Variants in SLC25A30 observed in about 807,000 individuals in gnomAD.
SLC25A30 encodes the protein kidney mitochondrial carrier protein 1.
Under a neutral mutation model 42.7 loss-of-function variants are expected in SLC25A30, and 29 were observed. That is an observed-to-expected ratio of 0.68 (90% CI 0.51 to 0.93). The LOEUF (loss-of-function observed/expected upper bound fraction) is 0.93, where lower values mean the gene tolerates loss of function less well. Ranked by LOEUF, SLC25A30 falls within the 40% of genes least tolerant of loss-of-function variation. The pLI is 0.00. For synonymous variants in SLC25A30, 124 were observed against 131.0 expected (o/e 0.95, Z 0.37); for missense variants, 300 against 359.7 (o/e 0.83, Z 1.34).
chr13:45,411,306 C>T, intron 2 of SLC25A30, 56 bp downstream of exon 2: 1 of 1,236,510 alleles, frequency 8.1e-7, no homozygotes, highest in Non-Finnish European at 1.2e-6. Context: ...ACTACATTCA[C>T]ATCAAACACC....
chr13:45,425,546 A>AAATATG, the SLC25A30 span, among the ~76,000 whole-genome samples: 1 of 80,186 alleles, frequency 1.2e-5, no homozygotes, highest in African/African-American at 6.5e-5. Flanking sequence ...AAGTATATAT[A>AAATATG]TATAAGTATA....
upstream of SLC25A30, among the ~76,000 whole-genome samples, chr13:45,421,724 ATGTAAGTGC>A (rs1356571793): frequency 6.6e-6 from 1 of 152,218 alleles, no homozygotes; most frequent in Non-Finnish European, 1.5e-5. Flanking sequence ...ACTTTGTAAA[ATGTAAGTGC>A]TGTAGAAATA....
At chr13:45,396,282 G>A (rs1881311343) in intron 9 of SLC25A30, 1 of 1,320,760 alleles carries the variant, frequency 7.6e-7, no homozygotes, top group East Asian at 3.0e-5. Context: ...AGCTTTTGTG[G>A]CTTTGCTGTG....
At chr13:45,423,751 T>C in the SLC25A30 span, among the ~76,000 whole-genome samples, 1 of 13,280 alleles carries the variant, frequency 7.5e-5, no homozygotes, top group Non-Finnish European at 1.3e-4. Context: ...AATATATAAA[T>C]ATATATAAAT....
intron 3 of SLC25A30, among the ~76,000 whole-genome samples, chr13:45,407,663 GATGTCCTGTGT>G (rs1268939165): frequency 6.6e-6 from 1 of 152,158 alleles, no homozygotes; most frequent in Non-Finnish European, 1.5e-5. Context: ...TCTCCATTTA[GATGTCCTGTGT>G]ATACCTTCAG....
chr13:45,394,300 T>A lies in SLC25A30; in HGVS notation c.*1674A>T, dbSNP rs1313533164. 1.1e-6 allele frequency: 1 copy of A among 949,066 alleles called. No homozygotes were observed. Among genetic ancestry groups the A allele is most frequent in the African/African-American group, 1.8e-5 (1 of 54,500 alleles). The allele number at this position is 949,066 out of a possible 1,614,324, so 58.8% of individuals were successfully genotyped here. ...CTCTTTTTGATGACTTTGTCTTAGC[T>A]CTCACTTTTGGAAATAATATTCAAA... On this transcript the variant is annotated 3_prime_UTR_variant, in exon 10 of 10. Transcript: ENST00000519676.
upstream of SLC25A30, among the ~76,000 whole-genome samples, chr13:45,423,302 A>G (rs1187788195): frequency 6.6e-6 from 1 of 151,692 alleles, no homozygotes; most frequent in East Asian, 1.9e-4. Flanking sequence ...TCCACTAGAC[A>G]CAATAGTAAG....
chr13:45,425,597 C>CATATATATAT, the SLC25A30 span, among the ~76,000 whole-genome samples: 8 of 38,138 alleles, frequency 2.1e-4, 1 homozygote, highest in African/African-American at 7.0e-4. Context: ...TATATATATA[C>CATATATATAT]ATATATATAT....
At chr13:45,406,546 T>A (rs888231025) in intron 3 of SLC25A30, among the ~76,000 whole-genome samples, 4 of 152,146 alleles carry the variant, frequency 2.6e-5, no homozygotes, top group Non-Finnish European at 5.9e-5. Context: ...CTCCATCCGA[T>A]ATGCCTGTCC....
At chr13:45,397,873 T>TA (rs1395709796) in intron 8 of SLC25A30, 2 of 985,402 alleles carry the variant, frequency 2.0e-6, no homozygotes. Flanking sequence ...ACAAAGGAGA[T>TA]AAACACTGTT....
At chr13:45,428,690 T>G in the SLC25A30 span, among the ~76,000 whole-genome samples, 23 of 151,166 alleles carry the variant, frequency 1.5e-4, no homozygotes, top group African/African-American at 5.4e-4. Flanking sequence ...GCCTGACTAA[T>G]GTTTGTATTT....
upstream of SLC25A30, chr13:45,418,802 C>G (rs1883760025): frequency 6.6e-6 from 1 of 151,884 alleles, no homozygotes; most frequent in Non-Finnish European, 1.5e-5. Context: ...ATTAGCCGGG[C>G]ATAGCGGCGG....
At chr13:45,425,003 AAT>A in the SLC25A30 span, among the ~76,000 whole-genome samples, 4 of 14,850 alleles carry the variant, frequency 2.7e-4, no homozygotes, top group South Asian at 1.5e-3. Flanking sequence ...TAAATATATA[AAT>A]ATATATAAAT....
At chr13:45,396,198 G>A in intron 9 of SLC25A30, 183 bp from the exon 10 acceptor site, 2 of 1,461,060 alleles carry the variant, frequency 1.4e-6, no homozygotes, top group African/African-American at 1.4e-5. Context: ...GGTCAGCTTG[G>A]AGCAGAAAGA....
At position 45,394,406 on chromosome 13, in the gene SLC25A30, CCTT is replaced by C. The variant is rs1341008057; in HGVS notation, c.*1565_*1567del. ...CTCATCCTCCAAAAAAACCTGCAGT[CCTT>C]CTATTCAGTCTCAACAAAGAGACTG... On this transcript the variant is annotated 3_prime_UTR_variant, in exon 10 of 10. Coordinates refer to ENST00000519676, the MANE Select transcript of SLC25A30 (RefSeq NM_001010875.4). 5 of 985,280 alleles carry C rather than the reference CCTT, an allele frequency of 5.1e-6. No individual in the cohort carries two copies. Among genetic ancestry groups the C allele is most frequent in the African/African-American group, 1.7e-5 (1 of 57,194 alleles). The allele number at this position is 985,280 out of a possible 1,614,324, so 61.0% of individuals were successfully genotyped here. A position where few individuals can be genotyped will look rare whatever the true frequency, so the allele number is the denominator to read the frequency against.
At chr13:45,406,008 C>T (rs1725428712) in intron 3 of SLC25A30, 31 bp from the exon 4 acceptor site, 1 of 1,606,628 alleles carries the variant, frequency 6.2e-7, no homozygotes, top group Non-Finnish European at 8.5e-7. Context: ...GGGACAAAAG[C>T]AATCTAAAAA....
chr13:45,393,754 T>G lies in SLC25A30; in HGVS notation c.*2220A>C. 1 of 985,414 alleles carries G rather than the reference T, an allele frequency of 1.0e-6. No homozygotes were observed. Among genetic ancestry groups the G allele is most frequent in the South Asian group, 4.7e-5 (1 of 21,284 alleles). The allele number at this position is 985,414 out of a possible 1,614,324, so 61.0% of individuals were successfully genotyped here. On this transcript the variant is annotated 3_prime_UTR_variant, in exon 10 of 10. Transcript: ENST00000519676. ...ACAGAAAAAGCAGGTTAAGATCCTGTTCAATAAGGCACTTAATAAGTCTAC... is the reference window on the plus strand; with the variant it reads ...ACAGAAAAAGCAGGTTAAGATCCTGGTCAATAAGGCACTTAATAAGTCTAC...
the SLC25A30 span, among the ~76,000 whole-genome samples, chr13:45,424,618 AATATATAT>A: frequency 1.5e-5 from 1 of 66,792 alleles, no homozygotes; most frequent in Admixed American, 2.5e-4. Flanking sequence ...AATATATATA[AATATATAT>A]AAATATGTAT....
the SLC25A30 span, among the ~76,000 whole-genome samples, chr13:45,425,400 GTA>G: frequency 0.016 from 1,686 of 107,580 alleles, 42 homozygotes; most frequent in African/African-American, 0.057. Context: ...AAATATATAT[GTA>G]TATATATAAA....
Sources: allele counts gnomAD v4.1 joint callset (sites outside exome capture counted in the v4.1 genomes callset), GRCh38; gene constraint gnomAD v4.1.1; transcripts MANE v1.5; gene names NCBI Gene and HGNC (gene_info 2026-07-23, HGNC 2026-07-21).